Variants in RAPGEF4 observed in about 807,000 individuals in gnomAD.
RAPGEF4 encodes the protein RAP guanine-nucleotide-exchange factor (GEF) 4.
Under a neutral mutation model 147.9 loss-of-function variants are expected in RAPGEF4, and 66 were observed. That is an observed-to-expected ratio of 0.45 (90% CI 0.37 to 0.55). The LOEUF is 0.55. Ranked by LOEUF, RAPGEF4 falls within the 20% of genes least tolerant of loss-of-function variation. The probability of loss-of-function intolerance (pLI) is 0.00; values close to 1 mark genes in which losing one functional copy is unlikely to be tolerated. For missense variants in RAPGEF4, 1,071 were observed against 1,257.3 expected, an observed-to-expected ratio of 0.85 and a Z score of 2.24; for synonymous variants, 419 against 442.7, an observed-to-expected ratio of 0.95 and a Z score of 0.67.
intron 6 of RAPGEF4, among the ~76,000 whole-genome samples, chr2:172,927,506 C>G (rs1404952377): frequency 1.3e-5 from 2 of 152,144 alleles, no homozygotes; most frequent in Non-Finnish European, 2.9e-5. Flanking sequence ...ATTGATGGCT[C>G]ATGCCAGTAA....
chr2:172,907,562 T>C (rs1699749138), intron 4 of RAPGEF4, among the ~76,000 whole-genome samples: 1 of 152,220 alleles, frequency 6.6e-6, no homozygotes, highest in South Asian at 2.1e-4. Flanking sequence ...TATTTTACCA[T>C]GTGGGTGAAA....
chr2:172,960,348 A>G (rs1485025924), intron 6 of RAPGEF4, among the ~76,000 whole-genome samples: 3 of 152,230 alleles, frequency 2.0e-5, no homozygotes, highest in African/African-American at 7.2e-5. Context: ...GAGACGAAAT[A>G]GCTCATTTCC....
chr2:172,900,250 G>A (rs182848139), intron 4 of RAPGEF4, among the ~76,000 whole-genome samples: 1 of 152,156 alleles, frequency 6.6e-6, no homozygotes, highest in Admixed American at 6.5e-5. Flanking sequence ...TGCTGTTATT[G>A]TTGTTTAGAG....
At chr2:173,032,907 CTG>C (rs1195563907) in intron 26 of RAPGEF4, among the ~76,000 whole-genome samples, 1 of 152,186 alleles carries the variant, frequency 6.6e-6, no homozygotes, top group African/African-American at 2.4e-5. Context: ...CCAGGAGTCT[CTG>C]AGACCCAGGG....
chr2:172,993,309 A>G (rs897118107), intron 15 of RAPGEF4, among the ~76,000 whole-genome samples: 2 of 152,198 alleles, frequency 1.3e-5, no homozygotes, highest in Non-Finnish European at 2.9e-5. Context: ...GGGTTTAGTA[A>G]GAAAGAATTT....
At chr2:172,980,614 G>A (rs572613661) in intron 10 of RAPGEF4, among the ~76,000 whole-genome samples, 1 of 152,284 alleles carries the variant, frequency 6.6e-6, no homozygotes, top group East Asian at 1.9e-4. Context: ...TTCAAAAGGA[G>A]CTGGAATTCT....
chr2:172,838,009 T>A lies in RAPGEF4; in HGVS notation c.444+23584T>A, dbSNP rs764272666. On this transcript the variant is annotated intron_variant, in intron 4 of 30. Transcript: ENST00000397081. ...AAGTGCCTACTGTGTTGGTCATGCT[T>A]CTTATGAGACTCTGGGGTGAACAAT... is the stretch of plus-strand genomic sequence containing the variant. 6.4e-4 allele frequency among the ~76,000 whole-genome samples: 98 copies of A among 152,192 alleles called. 1 individual carries two copies. The highest frequency in any genetic ancestry group is 1.9e-4 in the Non-Finnish European group (13 of 68,032).
intron 3 of RAPGEF4, among the ~76,000 whole-genome samples, chr2:172,801,799 G>A (rs1416100239): frequency 6.6e-6 from 1 of 152,256 alleles, no homozygotes. Context: ...AATAAGGAAT[G>A]CAGGGAGGAG....
chr2:172,931,366 T>C (rs1685955250), intron 6 of RAPGEF4, among the ~76,000 whole-genome samples: 1 of 152,156 alleles, frequency 6.6e-6, no homozygotes, highest in Non-Finnish European at 1.5e-5. Context: ...GAGGCAGGCC[T>C]GTGGGTTCTG....
At chr2:172,744,598 TTTTCCCTGTAGA>T (rs1413524840) in intron 1 of RAPGEF4, among the ~76,000 whole-genome samples, 3 of 152,220 alleles carry the variant, frequency 2.0e-5, no homozygotes, top group African/African-American at 4.8e-5. Flanking sequence ...TTCATTGGGA[TTTTCCCTGTAGA>T]CAATCTTGAA....
chr2:172,834,541 C>T (rs1248577025), intron 4 of RAPGEF4, among the ~76,000 whole-genome samples: 1 of 152,202 alleles, frequency 6.6e-6, no homozygotes, highest in East Asian at 1.9e-4. Context: ...AAACCTCTCT[C>T]AACAAGAAAT....
At chr2:172,850,131 G>A (rs988210044) in intron 4 of RAPGEF4, among the ~76,000 whole-genome samples, 2 of 152,008 alleles carry the variant, frequency 1.3e-5, no homozygotes, top group African/African-American at 2.4e-5. Flanking sequence ...AGTGGAGGGC[G>A]TGGGGATGCT....
chr2:172,915,253 TG>T (rs1277401876), intron 4 of RAPGEF4, among the ~76,000 whole-genome samples: 2 of 152,348 alleles, frequency 1.3e-5, no homozygotes, highest in African/African-American at 4.8e-5. Flanking sequence ...AATTCAGCAA[TG>T]ACATGAATGA....
At chr2:172,755,448 G>A (rs1457228508) in intron 1 of RAPGEF4, among the ~76,000 whole-genome samples, 5 of 152,154 alleles carry the variant, frequency 3.3e-5, no homozygotes, top group Non-Finnish European at 7.4e-5. Flanking sequence ...AGGCTGGAGT[G>A]CAGTGGTGCA....
chr2:172,832,208 T>A (rs2149674368), intron 4 of RAPGEF4, among the ~76,000 whole-genome samples: 1 of 152,322 alleles, frequency 6.6e-6, no homozygotes, highest in African/African-American at 2.4e-5. Flanking sequence ...TTTTGAATTT[T>A]TTTTAGAAAT....
intron 1 of RAPGEF4, among the ~76,000 whole-genome samples, chr2:172,774,625 C>A (rs865921078): frequency 2.6e-5 from 4 of 152,178 alleles, no homozygotes; most frequent in Non-Finnish European, 5.9e-5. Flanking sequence ...CTCTATGAAG[C>A]CTTCTCTACT....
intron 15 of RAPGEF4, among the ~76,000 whole-genome samples, chr2:172,993,404 A>G (rs1693021817): frequency 6.6e-6 from 1 of 152,176 alleles, no homozygotes; most frequent in African/African-American, 2.4e-5. Flanking sequence ...GTGTGCAGGA[A>G]GACAGTCTCT....
upstream of RAPGEF4, chr2:172,735,704 C>T (rs886613752): frequency 1.9e-5 from 3 of 159,006 alleles, no homozygotes; most frequent in African/African-American, 7.2e-5. Flanking sequence ...GTCCCCACCC[C>T]GGGGCGGAAT....
intron 26 of RAPGEF4, among the ~76,000 whole-genome samples, chr2:173,030,611 T>A (rs1425943165): frequency 1.3e-5 from 2 of 152,234 alleles, no homozygotes; most frequent in Admixed American, 6.5e-5. Context: ...TGTCTGCTTG[T>A]TGCTTTTGCC....
Sources: gnomAD v4.1 joint callset for allele counts (sites outside exome capture counted in the v4.1 genomes callset) on GRCh38, gnomAD v4.1.1 for gene constraint, MANE v1.5 for transcripts, NCBI Gene and HGNC (gene_info 2026-07-23, HGNC 2026-07-21) for gene names.